The following KIAA1328 variants were observed in gnomAD, a reference collection of about 807,000 sequenced individuals.
KIAA1328 encodes the protein KIAA1328.
Under a neutral mutation model 68.1 loss-of-function variants are expected in KIAA1328, and 52 were observed. That is an observed-to-expected ratio of 0.76 (90% confidence interval 0.61 to 0.96). The LOEUF (loss-of-function observed/expected upper bound fraction) is 0.96. KIAA1328 is among the 40% of genes least tolerant of loss of function. The pLI is 0.00. For missense variants in KIAA1328, 641 were observed against 677.6 expected (o/e 0.95, Z 0.60); for synonymous variants, 232 against 239.4 (o/e 0.97, Z 0.28).
chr18:37,217,188 T>C (rs998051086), intron 9 of KIAA1328, among the ~76,000 whole-genome samples: 7 of 152,104 alleles, frequency 4.6e-5, no homozygotes, highest in African/African-American at 1.7e-4. Flanking sequence ...AATATTGTTA[T>C]GTGTGAATTC....
At chr18:36,836,374 A>T (rs72885236) in intron 3 of KIAA1328, among the ~76,000 whole-genome samples, 9,006 of 152,246 alleles carry the variant, frequency 0.059, 412 homozygotes, top group Non-Finnish European at 0.084. Flanking sequence ...TTTTTGTCCT[A>T]TTGGCTATAA....
intron 6 of KIAA1328, among the ~76,000 whole-genome samples, chr18:37,031,501 G>A (rs575436006): frequency 6.6e-6 from 1 of 151,912 alleles, no homozygotes; most frequent in Non-Finnish European, 1.5e-5. Flanking sequence ...TTTATAATTA[G>A]TATTTGTGGA....
intron 6 of KIAA1328, among the ~76,000 whole-genome samples, chr18:36,968,376 G>A (rs1167177609): frequency 2.0e-5 from 3 of 152,152 alleles, no homozygotes; most frequent in Non-Finnish European, 4.4e-5. Context: ...AGAGACCCAT[G>A]TCATGTGCAG....
chr18:36,915,404 G>T (rs147371392), intron 5 of KIAA1328, among the ~76,000 whole-genome samples: 1 of 152,054 alleles, frequency 6.6e-6, no homozygotes, highest in Non-Finnish European at 1.5e-5. Context: ...CTATTCTCCC[G>T]TAGGTTGGGG....
rs528033933 is a variant in KIAA1328, at chr18:36,848,646, G to T, written c.332+4344G>T. Among the ~76,000 whole-genome samples, 14 of 123,938 alleles carry T rather than the reference G, an allele frequency of 1.1e-4. No individual in the cohort carries two copies. The South Asian group carries it at 3.2e-3, about 29-fold the overall frequency. The allele number at this position is 123,938 out of a possible 152,430, so 81.3% of individuals were successfully genotyped here. A position where few individuals can be genotyped will look rare whatever the true frequency, so the allele number is the denominator to read the frequency against. ...GACGTCTTTGCCTTTTCTTGTTCTT[G>T]ATCTTAAATCTTTCACCATTATGTA... On this transcript the variant is annotated intron_variant, in intron 4 of 9. Coordinates refer to ENST00000280020, the MANE Select transcript of KIAA1328 (RefSeq NM_020776.3).
intron 5 of KIAA1328, among the ~76,000 whole-genome samples, chr18:36,937,496 C>T (rs1270836613): frequency 1.3e-5 from 2 of 152,050 alleles, no homozygotes; most frequent in Non-Finnish European, 2.9e-5. Flanking sequence ...TTACAAGGAA[C>T]TTAAACAAAT....
At chr18:37,091,641 C>T (rs1207439142) in intron 7 of KIAA1328, among the ~76,000 whole-genome samples, 2 of 152,144 alleles carry the variant, frequency 1.3e-5, no homozygotes, top group Non-Finnish European at 2.9e-5. Flanking sequence ...GATCAGCCTC[C>T]ATCAAACTAT....
At chr18:36,953,197 A>G (rs1368985319) in intron 5 of KIAA1328, among the ~76,000 whole-genome samples, 1 of 148,132 alleles carries the variant, frequency 6.8e-6, no homozygotes, top group Non-Finnish European at 1.5e-5. Flanking sequence ...TTTAATATGC[A>G]TATATAATTG....
chr18:37,195,704 T>C (rs2059991262), intron 9 of KIAA1328, among the ~76,000 whole-genome samples: 1 of 152,214 alleles, frequency 6.6e-6, no homozygotes. Context: ...TATAGCTTTT[T>C]AGTACGATTC....
chr18:37,038,014 T>TGGG (rs2055095947), intron 6 of KIAA1328, among the ~76,000 whole-genome samples: 2 of 151,796 alleles, frequency 1.3e-5, no homozygotes, highest in Non-Finnish European at 2.9e-5. Flanking sequence ...GGCAGCAGAA[T>TGGG]GGCGTGAACC....
chr18:37,117,451 T>C (rs1001836789), intron 7 of KIAA1328, among the ~76,000 whole-genome samples: 2 of 152,056 alleles, frequency 1.3e-5, no homozygotes, highest in Non-Finnish European at 2.9e-5. Flanking sequence ...ATGAGAACAC[T>C]TGGACACAGC....
At chr18:36,946,737 C>G (rs2050917894) in intron 5 of KIAA1328, among the ~76,000 whole-genome samples, 1 of 152,004 alleles carries the variant, frequency 6.6e-6, no homozygotes, top group Non-Finnish European at 1.5e-5. Context: ...ATGTTAGTCC[C>G]TCACCTTCAA....
intron 4 of KIAA1328, among the ~76,000 whole-genome samples, chr18:36,877,514 GTTT>G (rs34759198): frequency 8.4e-6 from 1 of 119,174 alleles, no homozygotes. Flanking sequence ...TTTTTTGTTG[GTTT>G]TTTTTTTTTT....
At chr18:36,973,922 T>C (rs531925810) in intron 6 of KIAA1328, among the ~76,000 whole-genome samples, 45 of 152,244 alleles carry the variant, frequency 3.0e-4, no homozygotes, top group African/African-American at 9.9e-4. Context: ...CCTGAAGATA[T>C]ATACTTTCTA....
intron 5 of KIAA1328, among the ~76,000 whole-genome samples, chr18:36,891,706 G>A (rs904839439): frequency 1.7e-4 from 26 of 152,114 alleles, no homozygotes; most frequent in African/African-American, 6.3e-4. Context: ...TCCACTCATT[G>A]GTTGGTGGCC....
At chr18:36,933,632 C>T (rs1428970711) in intron 5 of KIAA1328, among the ~76,000 whole-genome samples, 1 of 152,242 alleles carries the variant, frequency 6.6e-6, no homozygotes, top group Non-Finnish European at 1.5e-5. Flanking sequence ...AGGACCAGCC[C>T]ACAGTTCTGT....
chr18:37,209,792 A>T (rs1453471488), intron 9 of KIAA1328, among the ~76,000 whole-genome samples: 1 of 152,046 alleles, frequency 6.6e-6, no homozygotes, highest in African/African-American at 2.4e-5. Flanking sequence ...ATAGTTTGAG[A>T]TGCCCATTAC....
chr18:36,960,757 GAATATCATC>G (rs2051631662), intron 6 of KIAA1328, among the ~76,000 whole-genome samples: 1 of 152,080 alleles, frequency 6.6e-6, no homozygotes, highest in African/African-American at 2.4e-5. Flanking sequence ...AAACAGAAAG[GAATATCATC>G]AACATCAACA....
chr18:37,204,260 T>A (rs1325958519), intron 9 of KIAA1328, among the ~76,000 whole-genome samples: 1 of 152,358 alleles, frequency 6.6e-6, no homozygotes, highest in South Asian at 2.1e-4. Flanking sequence ...GCAAAATGTT[T>A]GAATTATATT....
Sources: allele counts gnomAD v4.1 joint callset (sites outside exome capture counted in the v4.1 genomes callset), GRCh38; gene constraint gnomAD v4.1.1; transcripts MANE v1.5; gene names NCBI Gene and HGNC (gene_info 2026-07-23, HGNC 2026-07-21).